Variants in SOX6 observed in about 807,000 individuals in gnomAD.
SOX6 encodes the protein SRY-box transcription factor 6, also known as transcription factor SOX-6.
In SOX6, 11 loss-of-function variants were observed where a neutral mutation model predicts 97.8. The ratio of observed to expected loss-of-function variants is 0.11; its 90% CI spans 0.07 to 0.19. The LOEUF is 0.19. Ranked by LOEUF, SOX6 falls within the 10% of genes least tolerant of loss-of-function variation. The pLI, the probability that SOX6 is intolerant of heterozygous loss-of-function variation, is 1.00. For synonymous variants in SOX6, 360 were observed against 371.4 expected (o/e 0.97, Z 0.35); for missense variants, 810 against 1,039.5 (o/e 0.78, Z 3.04).
chr11:16,554,425 A>T (rs551440725), intron 4 of SOX6, among the ~76,000 whole-genome samples: 2 of 152,204 alleles, frequency 1.3e-5, no homozygotes, highest in South Asian at 4.1e-4. Context: ...TTATTCTTAC[A>T]ATAACTACTA....
chr11:16,019,405 C>T (rs767919822), intron 12 of SOX6, among the ~76,000 whole-genome samples: 4 of 152,010 alleles, frequency 2.6e-5, no homozygotes, highest in Non-Finnish European at 4.4e-5. Context: ...GGATCATTCA[C>T]GGCAGCCATG....
At chr11:16,449,316 G>A (rs1204085147) in intron 1 of SOX6, among the ~76,000 whole-genome samples, 2 of 99,984 alleles carry the variant, frequency 2.0e-5, no homozygotes, top group African/African-American at 5.0e-5. Flanking sequence ...TTTTTGAGAC[G>A]GAGTCTCGCT....
intron 4 of SOX6, among the ~76,000 whole-genome samples, chr11:16,556,195 T>C (rs771478640): frequency 3.7e-4 from 56 of 151,710 alleles, no homozygotes; most frequent in South Asian, 1.0e-3. Flanking sequence ...TCATAATTAT[T>C]AGAAATTCAT....
intron 4 of SOX6, among the ~76,000 whole-genome samples, chr11:16,597,973 T>C (rs1469697530): frequency 1.3e-5 from 2 of 151,984 alleles, no homozygotes; most frequent in Admixed American, 6.6e-5. Context: ...CTATTTTACA[T>C]AAGAGGGAAA....
chr11:16,374,426 C>T lies in SOX6; in HGVS notation c.-4-33174G>A, dbSNP rs376411000. Reference sequence around the variant, plus strand: ...TGCATTCTTCAGATTCAGAGTTATTCAGATAAAATGATGGCAATGTATTTC... The same window carrying T: ...TGCATTCTTCAGATTCAGAGTTATTTAGATAAAATGATGGCAATGTATTTC... On this transcript the variant is annotated intron_variant, in intron 1 of 15. Transcript: ENST00000396356. Among the ~76,000 whole-genome samples the T allele has an allele frequency of 9.9e-5, 15 of 152,038 alleles. No homozygotes were observed. The East Asian group carries it at 2.7e-3, about 27-fold the overall frequency.
At chr11:16,428,882 T>C (rs1363298497) in intron 1 of SOX6, among the ~76,000 whole-genome samples, 1 of 152,192 alleles carries the variant, frequency 6.6e-6, no homozygotes, top group Non-Finnish European at 1.5e-5. Context: ...GGTAGCTTGA[T>C]GGGGATGGCA....
At chr11:16,727,052 A>G (rs968188546) in intron 2 of SOX6, among the ~76,000 whole-genome samples, 3 of 152,152 alleles carry the variant, frequency 2.0e-5, no homozygotes, top group African/African-American at 7.2e-5. Context: ...ATTTTTAGTT[A>G]ATATATTCAG....
chr11:16,312,768 C>T (rs1355287948), intron 3 of SOX6: 2 of 152,084 alleles, frequency 1.3e-5, no homozygotes, highest in Non-Finnish European at 2.9e-5. Flanking sequence ...CATTTTCTGT[C>T]GCTTATGTTA....
intron 6 of SOX6, among the ~76,000 whole-genome samples, chr11:16,167,614 T>C (rs955191208): frequency 3.5e-4 from 54 of 152,316 alleles, no homozygotes; most frequent in Non-Finnish European, 5.1e-4. Flanking sequence ...CCAGCCATAC[T>C]GTCCCTGATG....
chr11:16,133,443 C>T (rs1849873386), intron 6 of SOX6, among the ~76,000 whole-genome samples: 1 of 152,092 alleles, frequency 6.6e-6, no homozygotes, highest in African/African-American at 2.4e-5. Flanking sequence ...TGGGTCTATG[C>T]TATCCTATAA....
chr11:16,148,789 A>T (rs550166930), intron 6 of SOX6, among the ~76,000 whole-genome samples: 6 of 152,156 alleles, frequency 3.9e-5, no homozygotes, highest in Admixed American at 3.9e-4. Flanking sequence ...AAAATAGTTT[A>T]TCTAACATCA....
At chr11:16,658,284 A>C (rs1490787193) in intron 3 of SOX6, among the ~76,000 whole-genome samples, 2 of 152,156 alleles carry the variant, frequency 1.3e-5, no homozygotes, top group African/African-American at 4.8e-5. Context: ...TATGCCACAC[A>C]TATTTTCTCT....
chr11:16,552,607 T>C (rs894358695), intron 4 of SOX6, among the ~76,000 whole-genome samples: 2 of 152,178 alleles, frequency 1.3e-5, no homozygotes, highest in African/African-American at 4.8e-5. Flanking sequence ...AACAAGATAT[T>C]GCTACCCATG....
intron 3 of SOX6, among the ~76,000 whole-genome samples, chr11:16,280,538 G>A (rs1225988423): frequency 6.6e-6 from 1 of 152,054 alleles, no homozygotes; most frequent in African/African-American, 2.4e-5. Flanking sequence ...TCTGTCAGAA[G>A]CACTCATAAG....
chr11:16,677,250 T>A (rs1170164794), intron 3 of SOX6, among the ~76,000 whole-genome samples: 2 of 152,170 alleles, frequency 1.3e-5, no homozygotes, highest in Non-Finnish European at 2.9e-5. Context: ...ACTTGTACTA[T>A]GTACCTGTAG....
At chr11:16,627,056 T>C (rs1848632482) in intron 3 of SOX6, among the ~76,000 whole-genome samples, 1 of 152,180 alleles carries the variant, frequency 6.6e-6, no homozygotes, top group African/African-American at 2.4e-5. Flanking sequence ...TCCCACTTAT[T>C]AGTGAGAACA....
chr11:16,223,682 T>C (rs1179518792), intron 4 of SOX6, among the ~76,000 whole-genome samples: 1 of 152,110 alleles, frequency 6.6e-6, no homozygotes, highest in African/African-American at 2.4e-5. Flanking sequence ...ACACACATCA[T>C]TTAAGCTCCA....
At chr11:16,078,511 A>C (rs1278115671) in intron 9 of SOX6, among the ~76,000 whole-genome samples, 2 of 152,320 alleles carry the variant, frequency 1.3e-5, no homozygotes, top group East Asian at 3.9e-4. Context: ...GTAATTTCTT[A>C]GTAAACAAAA....
intron 1 of SOX6, among the ~76,000 whole-genome samples, chr11:16,453,113 A>T: frequency 6.6e-6 from 1 of 152,170 alleles, no homozygotes; most frequent in East Asian, 1.9e-4. Flanking sequence ...ATCAAGGTGT[A>T]TAATCATTCA....
Sources: gnomAD v4.1 joint callset for allele counts (sites outside exome capture counted in the v4.1 genomes callset) on GRCh38, gnomAD v4.1.1 for gene constraint, MANE v1.5 for transcripts, NCBI Gene and HGNC (gene_info 2026-07-23, HGNC 2026-07-21) for gene names.